The following NUDCD3 variants were observed in gnomAD, a reference collection of about 807,000 sequenced individuals.
NUDCD3 encodes NudC domain containing 3, also known as nudC domain-containing protein 3.
NUDCD3 carries 13 observed loss-of-function variants against 39.7 expected under a neutral mutation model. The ratio of observed to expected loss-of-function variants is 0.33; its 90% CI spans 0.21 to 0.52. The LOEUF (loss-of-function observed/expected upper bound fraction) is 0.52, where lower values mean the gene tolerates loss of function less well. NUDCD3 is among the 20% of genes least tolerant of loss of function. The pLI, the probability that NUDCD3 is intolerant of heterozygous loss-of-function variation, is 0.96. For synonymous variants in NUDCD3, 175 were observed against 172.4 expected (o/e 1.02, Z -0.12); for missense variants, 453 against 458.1 (o/e 0.99, Z 0.10).
intron 2 of NUDCD3, among the ~76,000 whole-genome samples, chr7:44,439,434 G>A (rs1239015212): frequency 6.6e-6 from 1 of 152,112 alleles, no homozygotes; most frequent in Non-Finnish European, 1.5e-5. Flanking sequence ...GGAGCCACGT[G>A]CCCTCTGAGT....
At position 44,490,652 on chromosome 7, in the gene NUDCD3, G is replaced by A; in HGVS notation, c.-52C>T. 6.6e-7 allele frequency: 1 copy of A among 1,512,740 alleles called. No homozygotes were observed. Among genetic ancestry groups the A allele is most frequent in the Non-Finnish European group, 8.8e-7 (1 of 1,130,078 alleles). The allele number at this position is 1,512,740 out of a possible 1,614,324, so 93.7% of individuals were successfully genotyped here. On this transcript the variant is annotated 5_prime_UTR_variant, in exon 1 of 6. Coordinates refer to ENST00000355451, the MANE Select transcript of NUDCD3 (RefSeq NM_015332.4). ...ACACACACAGCGCCGCCTCAGACCT[G>A]CCGACTGGCCACTTCCGGCGTCCGC...
chr7:44,482,382 G>A (rs1297349375), intron 2 of NUDCD3, among the ~76,000 whole-genome samples: 1 of 152,144 alleles, frequency 6.6e-6, no homozygotes, highest in African/African-American at 2.4e-5. Context: ...AGAAGACTAA[G>A]CTAGCTTTAA....
chr7:44,469,115 C>CAA lies in NUDCD3; in HGVS notation c.509+15851_509+15852dup, dbSNP rs756247647. Reference sequence around the variant, plus strand: ...AGGGCCAGTTTTCAAACAAACAAACCAAAAAAAAAAAAAAAAAAAAAAAAA... The same window carrying CAA: ...AGGGCCAGTTTTCAAACAAACAAACCAAAAAAAAAAAAAAAAAAAAAAAAAAA... On this transcript the variant is annotated intron_variant, in intron 2 of 5. Coordinates refer to ENST00000355451, the MANE Select transcript of NUDCD3 (RefSeq NM_015332.4). 7.6e-3 allele frequency among the ~76,000 whole-genome samples: 250 copies of CAA among 32,862 alleles called. 16 individuals carry two copies. Among genetic ancestry groups the CAA allele is most frequent in the East Asian group, 0.029 (21 of 720 alleles). 21.6% of individuals were successfully genotyped at this position (32,862 alleles called of 152,430 possible).
chr7:44,455,406 T>G (rs1191596175), intron 2 of NUDCD3, among the ~76,000 whole-genome samples: 1 of 152,150 alleles, frequency 6.6e-6, no homozygotes, highest in Non-Finnish European at 1.5e-5. Flanking sequence ...TAGTCCTCAC[T>G]TCTTCCCATC....
intron 5 of NUDCD3, among the ~76,000 whole-genome samples, chr7:44,391,292 C>T (rs1041755783): frequency 1.3e-5 from 2 of 152,172 alleles, no homozygotes; most frequent in Admixed American, 1.3e-4. Flanking sequence ...AACATGTTGA[C>T]ACTCCTCTCC....
rs1232869672 is a variant in NUDCD3, at chr7:44,485,112, G to C, written c.365C>G (p.Thr122Arg). Residue 122 changes from threonine (T) to arginine (R), a missense_variant, in exon 2 of 6, where the codon ACA (threonine) becomes AGA (arginine). Thr to Arg is a moderately conservative substitution (Grantham distance 71, BLOSUM62 -1). Transcript: ENST00000355451. ...PVQEIEIDST[T>R]ELDGHQEVEK... ...TACTTCCTGATGCCCATCCAATTCT[G>C]TGGTGGAGTCAATCTCTATTTCCTG... 1 of 1,614,180 alleles carries C rather than the reference G, an allele frequency of 6.2e-7. No individual in the cohort carries two copies. Among genetic ancestry groups the C allele is most frequent in the East Asian group, 2.2e-5 (1 of 44,878 alleles).
At chr7:44,487,080 A>C (rs1025988990) in intron 1 of NUDCD3, among the ~76,000 whole-genome samples, 1 of 152,212 alleles carries the variant, frequency 6.6e-6, no homozygotes, top group African/African-American at 2.4e-5. Flanking sequence ...GCACTTCTCA[A>C]AGTGGACTCC....
chr7:44,425,061 A>G (rs1028985418), intron 3 of NUDCD3, among the ~76,000 whole-genome samples: 2 of 152,174 alleles, frequency 1.3e-5, no homozygotes, highest in Non-Finnish European at 2.9e-5. Context: ...CAAACACTGC[A>G]TGTTCTCACT....
chr7:44,418,159 G>C (rs548430951), intron 3 of NUDCD3, among the ~76,000 whole-genome samples: 1 of 152,270 alleles, frequency 6.6e-6, no homozygotes, highest in African/African-American at 2.4e-5. Flanking sequence ...CAGGACAGGA[G>C]GGCCAGAGGG....
intron 2 of NUDCD3, among the ~76,000 whole-genome samples, chr7:44,442,693 C>CTTTT (rs869244799): frequency 2.4e-5 from 3 of 124,346 alleles, no homozygotes; most frequent in East Asian, 2.4e-4. Context: ...CTCCCCTTTT[C>CTTTT]TTTTTTTTTT....
At chr7:44,392,846 C>T (rs1798545786) in intron 4 of NUDCD3, among the ~76,000 whole-genome samples, 2 of 152,058 alleles carry the variant, frequency 1.3e-5, no homozygotes, top group African/African-American at 4.8e-5. Flanking sequence ...TTCCAAGACC[C>T]ATGACACCCC....
chr7:44,396,061 C>T (rs1478154801), intron 4 of NUDCD3, among the ~76,000 whole-genome samples: 1 of 151,800 alleles, frequency 6.6e-6, no homozygotes, highest in East Asian at 1.9e-4. Context: ...TTTCTCCATA[C>T]CCTCACCAAC....
rs148881632 is a variant in NUDCD3, at chr7:44,401,572, C to T, written c.786+2868G>A. Among the ~76,000 whole-genome samples, 56 of 152,234 alleles carry T rather than the reference C, an allele frequency of 3.7e-4. 1 individual carries two copies. In the East Asian group the frequency reaches 0.01, roughly 28 times the overall value. On this transcript the variant is annotated intron_variant, in intron 4 of 5. Transcript: ENST00000355451. ...CTCACAGGTGAAGGTGCATTAGGAA[C>T]GCAATGCCATCTATTGATAATAAAG...
intron 2 of NUDCD3, among the ~76,000 whole-genome samples, chr7:44,480,636 G>C (rs910252900): frequency 6.6e-6 from 1 of 151,962 alleles, no homozygotes; most frequent in Non-Finnish European, 1.5e-5. Context: ...TATTTGCTGA[G>C]GATCAAAAAT....
chr7:44,395,859 T>C (rs1358671122), intron 4 of NUDCD3, among the ~76,000 whole-genome samples: 6 of 152,228 alleles, frequency 3.9e-5, no homozygotes, highest in Non-Finnish European at 8.8e-5. Flanking sequence ...TTGGCTGTTG[T>C]GAATAATGCT....
At chr7:44,395,223 G>A (rs533210075) in intron 4 of NUDCD3, among the ~76,000 whole-genome samples, 54 of 152,256 alleles carry the variant, frequency 3.5e-4, no homozygotes, top group Admixed American at 9.8e-4. Context: ...CTCCAGTCAC[G>A]TGAGCCACCT....
chr7:44,461,646 G>A (rs1421943648), intron 2 of NUDCD3, among the ~76,000 whole-genome samples: 2 of 152,116 alleles, frequency 1.3e-5, no homozygotes, highest in African/African-American at 2.4e-5. Context: ...CAAAGAGAGA[G>A]AGAAAGGAGT....
At chr7:44,399,115 C>A (rs879689644) in intron 4 of NUDCD3, among the ~76,000 whole-genome samples, 2 of 152,234 alleles carry the variant, frequency 1.3e-5, no homozygotes, top group Non-Finnish European at 2.9e-5. Context: ...TTCCTTTCCT[C>A]TCCTCCAACC....
chr7:44,428,763 G>C (rs1309743567), intron 2 of NUDCD3, among the ~76,000 whole-genome samples: 1 of 152,142 alleles, frequency 6.6e-6, no homozygotes, highest in Admixed American at 6.5e-5. Flanking sequence ...CATTATGTAA[G>C]TTTAGACTCA....
Sources: allele counts gnomAD v4.1 joint callset (sites outside exome capture counted in the v4.1 genomes callset), GRCh38; gene constraint gnomAD v4.1.1; transcripts MANE v1.5; gene names NCBI Gene and HGNC (gene_info 2026-07-23, HGNC 2026-07-21).